EEA1: variants seen among roughly 807,000 people sequenced by gnomAD.
The protein encoded by EEA1 is early endosome antigen 1, also known as early endosome antigen 1, 162kD.
In EEA1, 111 loss-of-function variants were observed where a neutral mutation model predicts 209.2. That is an observed-to-expected ratio of 0.53 (90% CI 0.45 to 0.62). The LOEUF is 0.62. Ranked by LOEUF, EEA1 falls within the 20% of genes least tolerant of loss-of-function variation. EEA1 has a pLI of 0.00. For missense variants in EEA1, 1,343 were observed against 1,530.8 expected, an observed-to-expected ratio of 0.88 and a Z score of 2.05; for synonymous variants, 536 against 540.6, an observed-to-expected ratio of 0.99 and a Z score of 0.12.
chr12:92,914,550 G>GCAAAC, intron 1 of EEA1, among the ~76,000 whole-genome samples: 1 of 152,060 alleles, frequency 6.6e-6, no homozygotes, highest in Non-Finnish European at 1.5e-5. Context: ...TTGAGGCTGG[G>GCAAAC]TACACTGGCT....
chr12:92,885,777 G>A (rs527877706), intron 2 of EEA1, among the ~76,000 whole-genome samples: 1 of 152,186 alleles, frequency 6.6e-6, no homozygotes, highest in Non-Finnish European at 1.5e-5. Context: ...TCTCAGAGGT[G>A]GCAGAGGTGG....
chr12:92,927,255 A>T (rs1199086041), intron 1 of EEA1, among the ~76,000 whole-genome samples: 1 of 152,200 alleles, frequency 6.6e-6, no homozygotes, highest in Non-Finnish European at 1.5e-5. Flanking sequence ...TGCTGCTAAC[A>T]TCTTACAAGG....
chr12:92,835,557 G>C (rs574970111), intron 10 of EEA1: 1 of 189,898 alleles, frequency 5.3e-6, no homozygotes, highest in South Asian at 7.0e-5. Context: ...GACTACAGGC[G>C]CCCGCCACCA....
chr12:92,856,750 CAT>C (rs1877899620), intron 5 of EEA1, among the ~76,000 whole-genome samples: 1 of 141,052 alleles, frequency 7.1e-6, no homozygotes, highest in Non-Finnish European at 1.5e-5. Context: ...AAAAAAACAA[CAT>C]ATAGATACCT....
chr12:92,865,125 C>A lies in EEA1; in HGVS notation c.118-138G>T, dbSNP rs1007540918. 41 of 572,834 alleles carry A rather than the reference C, an allele frequency of 7.2e-5. No homozygotes were observed. The Admixed American group carries it at 1.2e-3, about 17-fold the overall frequency. The allele number at this position is 572,834 out of a possible 1,614,324, so 35.5% of individuals were successfully genotyped here. On this transcript the variant is annotated intron_variant, in intron 2 of 28. Transcript: ENST00000322349. ...GTAAATTTTATCTTATGGTATTAAT[C>A]CCAAATTCTAGTATCATGCAAAGAT...
At chr12:92,865,019 T>C (rs749226111) in intron 2 of EEA1, 32 bp from the exon 3 acceptor site, 3 of 1,529,058 alleles carry the variant, frequency 2.0e-6, no homozygotes, top group Admixed American at 2.0e-5. Flanking sequence ...AGTTTCAAAA[T>C]AGTATTTAAT....
intron 1 of EEA1, among the ~76,000 whole-genome samples, chr12:92,893,572 T>C (rs1879748416): frequency 6.6e-6 from 1 of 152,020 alleles, no homozygotes; most frequent in South Asian, 2.1e-4. Flanking sequence ...GCTATATTCA[T>C]CAAAATGATT....
intron 13 of EEA1, among the ~76,000 whole-genome samples, chr12:92,820,888 C>T (rs566761891): frequency 3.7e-4 from 56 of 152,136 alleles, no homozygotes; most frequent in Admixed American, 2.0e-3. Flanking sequence ...CTGCCCTGGT[C>T]GGTAATGTCT....
chr12:92,894,686 C>G (rs950704129), intron 1 of EEA1, among the ~76,000 whole-genome samples: 1 of 152,138 alleles, frequency 6.6e-6, no homozygotes, highest in African/African-American at 2.4e-5. Flanking sequence ...TTGAAGGTAG[C>G]AGAGGTTGGT....
rs185011043 is a variant in EEA1 at position 92,844,975 on chromosome 12, T to C, written c.799-2394A>G. Among the ~76,000 whole-genome samples, 4 of 152,190 alleles carry C rather than the reference T, an allele frequency of 2.6e-5. No homozygotes were observed. The East Asian group carries it at 7.7e-4, about 29-fold the overall frequency. ...TCTAGTAAGAATAAGAATAGAATTT[T>C]CCTTATTAAATAAGGAAAATGTAAA... On this transcript the variant is annotated intron_variant, in intron 9 of 28. Coordinates refer to ENST00000322349, the MANE Select transcript of EEA1 (RefSeq NM_003566.4).
intron 10 of EEA1, among the ~76,000 whole-genome samples, chr12:92,836,399 C>T (rs887539772): frequency 2.6e-5 from 4 of 152,174 alleles, no homozygotes; most frequent in East Asian, 1.9e-4. Context: ...ATTCTTACAG[C>T]GACAATTTCC....
chr12:92,801,027 T>C (rs898301156), intron 20 of EEA1, among the ~76,000 whole-genome samples: 3 of 152,210 alleles, frequency 2.0e-5, no homozygotes, highest in Admixed American at 6.5e-5. Flanking sequence ...CTAGCAGGTA[T>C]GGCTTCAGAG....
rs552011468 is a variant in EEA1 at position 92,816,136 on chromosome 12, C to T, written c.1929+64G>A. On this transcript the variant is annotated intron_variant, in intron 15 of 28. Transcript: ENST00000322349. ...TATGCAAGGTAAAAAGAGATAGAAA[C>T]AGAATTTAAAACATTTGACGGTCTA... The T allele has an allele frequency of 3.5e-6, 5 of 1,425,032 alleles. No individual in the cohort carries two copies. The African/African-American group carries it at 7.1e-5, about 20-fold the overall frequency. 88.3% of individuals were successfully genotyped at this position (1,425,032 alleles called of 1,614,324 possible). A position where few individuals can be genotyped will look rare whatever the true frequency, so the allele number is the denominator to read the frequency against.
At chr12:92,837,602 A>C (rs1223087255) in intron 10 of EEA1, among the ~76,000 whole-genome samples, 1 of 152,220 alleles carries the variant, frequency 6.6e-6, no homozygotes, top group Non-Finnish European at 1.5e-5. Flanking sequence ...TTTATAAGGA[A>C]ACAGTTAATT....
At chr12:92,859,015 C>T (rs1878012916) in intron 3 of EEA1, 1 of 679,162 alleles carries the variant, frequency 1.5e-6, no homozygotes, top group Admixed American at 2.5e-5. Context: ...TAAAGGAGGT[C>T]TGTGCAGAAC....
intron 1 of EEA1, among the ~76,000 whole-genome samples, chr12:92,920,739 T>C (rs1880951079): frequency 6.6e-6 from 1 of 151,428 alleles, no homozygotes; most frequent in South Asian, 2.1e-4. Context: ...AAAGACAAAA[T>C]TGACAAATGG....
In EEA1 at chr12:92,857,301, C is replaced by G; in HGVS notation, c.340G>C (p.Glu114Gln). Residue 114 changes from glutamate to glutamine, a missense_variant, in exon 5 of 29, where the codon GAA becomes CAA. Physicochemically the swap from Glu to Gln is conservative, Grantham distance 29. This residue lies in a region of EEA1 where 1,307 missense variants were observed against 1,465.5 expected (regional missense o/e 0.89). Transcript: ENST00000322349. The part of the protein sequence containing the change: ...WYSEELKKEL[E>Q]KYQGLQQQEA... Reference sequence around the variant, plus strand: ...TGCTGCTGCAGCCCTTGATATTTTTCTAATTCCTTCTTTAATTCTTCCGAG... The same window carrying G: ...TGCTGCTGCAGCCCTTGATATTTTTGTAATTCCTTCTTTAATTCTTCCGAG... The G allele has an allele frequency of 6.3e-7, 1 of 1,589,962 alleles. No individual in the cohort carries two copies. The highest frequency in any genetic ancestry group is 8.5e-7 in the Non-Finnish European group (1 of 1,171,300).
At chr12:92,919,548 C>A (rs1427912705) in intron 1 of EEA1, among the ~76,000 whole-genome samples, 53 of 150,328 alleles carry the variant, frequency 3.5e-4, no homozygotes, top group African/African-American at 1.3e-3. Context: ...ATTCAACAAC[C>A]CTTCATGCTA....
intron 19 of EEA1, 111 bp from the exon 20 acceptor site, chr12:92,801,812 G>C: frequency 3.2e-6 from 2 of 619,998 alleles, no homozygotes. Flanking sequence ...AAATTATGAT[G>C]AGCTAAGATG....
Sources: gnomAD v4.1 joint callset for allele counts (sites outside exome capture counted in the v4.1 genomes callset) on GRCh38, gnomAD v4.1.1 for gene constraint, gnomAD v4.1.1 regional missense constraint, MANE v1.5 for transcripts, NCBI Gene and HGNC (gene_info 2026-07-23, HGNC 2026-07-21) for gene names.